Variants in ABCF2 observed in about 807,000 individuals in gnomAD.
ABCF2 encodes ATP-binding cassette sub-family F member 2.
In ABCF2, 37 loss-of-function variants were observed where a neutral mutation model predicts 76.9. The ratio of observed to expected loss-of-function variants is 0.48; its 90% CI spans 0.37 to 0.63. The LOEUF (loss-of-function observed/expected upper bound fraction) is 0.63, where lower values mean the gene tolerates loss of function less well. ABCF2 is among the 30% of genes least tolerant of loss of function. The pLI, the probability that ABCF2 is intolerant of heterozygous loss-of-function variation, is 0.00. For synonymous variants in ABCF2, 299 were observed against 283.7 expected, an observed-to-expected ratio of 1.05 and a Z score of -0.54; for missense variants, 524 against 782.1, an observed-to-expected ratio of 0.67 and a Z score of 3.94.
rs1200553881 is a variant in ABCF2, at chr7:151,212,947, T to TA, written c.*1106dup. 2.4e-5 allele frequency: 11 copies of TA among 449,290 alleles called. No homozygotes were observed. Among genetic ancestry groups the TA allele is most frequent in the Non-Finnish European group, 3.2e-5 (11 of 340,296 alleles). 27.8% of individuals were successfully genotyped at this position (449,290 alleles called of 1,614,324 possible). A position where few individuals can be genotyped will look rare whatever the true frequency, so the allele number is the denominator to read the frequency against. The stretch of plus-strand genomic sequence containing the variant: ...CTGAGCAGGTGGGATTCCAGGCACA[T>TA]AAAGACGGGTTTTGCCATGTTTCCC... On this transcript the variant is annotated 3_prime_UTR_variant, in exon 15 of 15. Coordinates refer to ENST00000287844, the MANE Select transcript of ABCF2 (RefSeq NM_007189.3).
Position 151,215,532 on chromosome 7 carries a change from C to T in ABCF2, c.1530+72G>A. ...AGCTTCCAAACCCAGGCTGCCAGGA[C>T]AGTATCCCCTGACCCACCCAGCCAC... On this transcript the variant is annotated intron_variant, in intron 13 of 14. Transcript: ENST00000287844. The surrounding 1 kb of genome is among the most constrained non-coding windows in gnomAD (Gnocchi z 4.6). The T allele has an allele frequency of 6.3e-7, 1 of 1,586,054 alleles. No individual in the cohort carries two copies. The highest frequency in any genetic ancestry group is 1.7e-5 in the Admixed American group (1 of 59,106).
chr7:151,226,260 T>C (rs376684892), intron 2 of ABCF2, 45 bp downstream of exon 2: 8 of 1,594,288 alleles, frequency 5.0e-6, no homozygotes, highest in Non-Finnish European at 6.8e-6. Context: ...GGGGCATGCA[T>C]TAAGTCTTAG....
chr7:151,218,095 G>A lies in ABCF2; in HGVS notation c.1324C>T (p.Leu442=), dbSNP rs1263028655. 6.2e-7 allele frequency: 1 copy of A among 1,613,458 alleles called. No individual in the cohort carries two copies. Among genetic ancestry groups the A allele is most frequent in the East Asian group, 2.2e-5 (1 of 44,886 alleles). ...NGAGKSTLLK[L]LTGELLPTDG... is the part of the protein sequence containing the mutation. ...TGGCACCATACCTCTCCAGTTAGCA[G>A]CTTCAGAAGAGTTGACTTCCCTGCT... The change falls in exon 11 of 15, where the codon CTG becomes TTG. Residue 442 remains leucine (L), a synonymous_variant. Transcript: ENST00000287844.
chr7:151,212,686 T>C lies in ABCF2; in HGVS notation c.*1368A>G. The C allele has an allele frequency of 5.5e-6, 1 of 182,628 alleles. No homozygotes were observed. The highest frequency in any genetic ancestry group is 1.0e-5 in the Non-Finnish European group (1 of 95,902). The allele number at this position is 182,628 out of a possible 1,614,324, so 11.3% of individuals were successfully genotyped here. Reference sequence around the variant, plus strand: ...TATTACTATTTGTAGAGAAGGGGTCTCCCTACTTTGCCCAGGCTGGTCTTG... The same window carrying C: ...TATTACTATTTGTAGAGAAGGGGTCCCCCTACTTTGCCCAGGCTGGTCTTG... On this transcript the variant is annotated 3_prime_UTR_variant, in exon 15 of 15. Coordinates refer to ENST00000287844, the MANE Select transcript of ABCF2 (RefSeq NM_007189.3).
In ABCF2 at chr7:151,218,859, C is replaced by T; in HGVS notation, c.1032G>A (p.Arg344=). ...CCAGCTTGGCACTGCCATGACCAAA[C>T]CTCGCAATGTAGTTCTAAAAAAGAC... is the stretch of plus-strand genomic sequence containing the variant. ...QIAHMKNYIA[R]FGHGSAKLAR... The change falls in exon 9 of 15, where the codon AGG becomes AGA. Residue 344 remains arginine (R), a synonymous_variant. Transcript: ENST00000287844. The T allele has an allele frequency of 6.2e-7, 1 of 1,613,656 alleles. No individual in the cohort carries two copies. Among genetic ancestry groups the T allele is most frequent in the Non-Finnish European group, 8.5e-7 (1 of 1,179,994 alleles).
At chr7:151,220,715 T>C (rs1802249806) in intron 7 of ABCF2, among the ~76,000 whole-genome samples, 1 of 152,126 alleles carries the variant, frequency 6.6e-6, no homozygotes, top group African/African-American at 2.4e-5. Flanking sequence ...AGGCCTCGTG[T>C]GGTGGCTCAT....
intron 3 of ABCF2, among the ~76,000 whole-genome samples, chr7:151,224,410 C>G (rs1802333255): frequency 6.6e-6 from 1 of 152,194 alleles, no homozygotes; most frequent in African/African-American, 2.4e-5. Flanking sequence ...AGGGTGGACG[C>G]ACCCTAATCT....
chr7:151,215,454 G>C lies in ABCF2; in HGVS notation c.1530+150C>G. On this transcript the variant is annotated intron_variant, in intron 13 of 14. Coordinates refer to ENST00000287844, the MANE Select transcript of ABCF2 (RefSeq NM_007189.3). This position sits in a 1 kb window ranked among gnomAD's most constrained non-coding sequence, Gnocchi z 4.6. ...CCATTACATAACAACCTAGAGTAAA[G>C]AAAAGGTAGTAGGTTCTTAGGGGAG... is the stretch of plus-strand genomic sequence containing the variant. 1 of 982,164 alleles carries C rather than the reference G, an allele frequency of 1.0e-6. No individual in the cohort carries two copies. The highest frequency in any genetic ancestry group is 1.5e-6 in the Non-Finnish European group (1 of 658,940). 60.8% of individuals were successfully genotyped at this position (982,164 alleles called of 1,614,324 possible).
At position 151,213,444 on chromosome 7, in the gene ABCF2, G is replaced by A. The variant is rs1802087785; in HGVS notation, c.*610C>T. On this transcript the variant is annotated 3_prime_UTR_variant, in exon 15 of 15. Transcript: ENST00000287844. ...GACGCTGGATCCAGCTCCTGCTGTG[G>A]GCAGTGCATGTTGGCACTGCAGGGA... The A allele has an allele frequency of 3.0e-6, 3 of 985,374 alleles. No homozygotes were observed. Among genetic ancestry groups the A allele is most frequent in the Non-Finnish European group, 3.6e-6 (3 of 829,998 alleles). The allele number at this position is 985,374 out of a possible 1,614,324, so 61.0% of individuals were successfully genotyped here. A position where few individuals can be genotyped will look rare whatever the true frequency, so the allele number is the denominator to read the frequency against.
In ABCF2 at chr7:151,224,799, C is replaced by T. The variant is rs1421928370; in HGVS notation, c.344G>A (p.Gly115Asp). Residue 115 changes from glycine to aspartate, a missense_variant, in exon 3 of 15, where the codon GGC becomes GAC. Gly to Asp is a moderately conservative substitution (Grantham distance 94). Around this residue, in one of 2 missense-constraint regions of ABCF2, gnomAD observed 330 missense variants for 433.6 expected, o/e 0.76. Coordinates refer to ENST00000287844, the MANE Select transcript of ABCF2 (RefSeq NM_007189.3). ...KLELNSGRRY[G>D]LIGLNGIGKS... ...ACCAATTCCATTTAAACCAATGAGG[C>T]CATAACGACGGCCTGAGTTTAATTC... 6.2e-7 allele frequency: 1 copy of T among 1,614,202 alleles called. No homozygotes were observed. The highest frequency in any genetic ancestry group is 1.7e-5 in the Admixed American group (1 of 60,030).
At position 151,214,433 on chromosome 7, in the gene ABCF2, G is replaced by C. The variant is rs1005679439; in HGVS notation, c.1735-242C>G. Among the ~76,000 whole-genome samples, 2 of 152,142 alleles carry C rather than the reference G, an allele frequency of 1.3e-5. No individual in the cohort carries two copies. The highest frequency in any genetic ancestry group is 2.9e-5 in the Non-Finnish European group (2 of 68,026). On this transcript the variant is annotated intron_variant, in intron 14 of 14. Transcript: ENST00000287844. The surrounding 1 kb of genome is among the most constrained non-coding windows in gnomAD (Gnocchi z 4.9). ...ATTGTCAGCTCCCTGGCAGGGCCTA[G>C]ATCTATTCAGAGGCTTCACTCTCAG...
intron 2 of ABCF2, among the ~76,000 whole-genome samples, chr7:151,225,792 C>T (rs1372673072): frequency 1.3e-5 from 2 of 152,128 alleles, no homozygotes; most frequent in Admixed American, 6.5e-5. Context: ...GGAGGGAAGA[C>T]GGTAGTGCCT....
intron 7 of ABCF2, among the ~76,000 whole-genome samples, chr7:151,221,162 T>C (rs1802258094): frequency 6.6e-6 from 1 of 152,178 alleles, no homozygotes; most frequent in African/African-American, 2.4e-5. Context: ...TCCATATCTT[T>C]TTATAGCAAT....
At chr7:151,218,989 C>T (rs1202284995) in intron 8 of ABCF2, 75 bp downstream of exon 8, 10 of 1,610,276 alleles carry the variant, frequency 6.2e-6, no homozygotes, top group Non-Finnish European at 8.5e-6. Flanking sequence ...ACTACCGCTT[C>T]TCGAAATGCC....
Position 151,217,994 on chromosome 7 carries a change from A to G in ABCF2, c.1338+87T>C, listed in dbSNP as rs7777662. The stretch of plus-strand genomic sequence containing the variant: ...CCACCAGGGTACTCAGGCCCTCCCA[A>G]AGTAGTAGCCCCTGCATCACTCCCC... On this transcript the variant is annotated intron_variant, in intron 11 of 14. Coordinates refer to ENST00000287844, the MANE Select transcript of ABCF2 (RefSeq NM_007189.3). 0.011 allele frequency: 10,602 copies of G among 997,834 alleles called. 476 individuals are homozygous for G. In the African/African-American group the frequency reaches 0.12, roughly 11 times the overall value. The allele number at this position is 997,834 out of a possible 1,614,324, so 61.8% of individuals were successfully genotyped here.
In ABCF2 at chr7:151,218,772, C is replaced by T. The variant is rs761396504; in HGVS notation, c.1119G>A (p.Glu373=). The part of the protein sequence containing the change: ...LQKMMASGLT[E]RVVSDKTLSF... ...ACCCCACCTTATCGCTCACGACCCT[C>T]TCTGTCAGTCCTGATGCCATCATTT... is the stretch of plus-strand genomic sequence containing the variant. The change falls in exon 9 of 15, where the codon GAG becomes GAA. Residue 373 remains glutamate, a synonymous_variant. Transcript: ENST00000287844. The T allele has an allele frequency of 8.7e-6, 14 of 1,613,866 alleles. No homozygotes were observed. In the South Asian group the frequency reaches 1.4e-4, roughly 16 times the overall value.
rs1187417612 is a variant in ABCF2, at chr7:151,213,044, G to A, written c.*1010C>T. The A allele has an allele frequency of 8.1e-6, 8 of 984,912 alleles. No individual in the cohort carries two copies. The highest frequency in any genetic ancestry group is 1.7e-5 in the African/African-American group (1 of 57,224). The allele number at this position is 984,912 out of a possible 1,614,324, so 61.0% of individuals were successfully genotyped here. A position where few individuals can be genotyped will look rare whatever the true frequency, so the allele number is the denominator to read the frequency against. ...CTCCCAAAGCGCTGGGATTACAGGT[G>A]TGAGCCACCGCACCTGGCCTGCATT... On this transcript the variant is annotated 3_prime_UTR_variant, in exon 15 of 15. Transcript: ENST00000287844.
intron 5 of ABCF2, 48 bp downstream of exon 5, chr7:151,223,630 T>G: frequency 1.9e-6 from 3 of 1,540,806 alleles, no homozygotes; most frequent in Non-Finnish European, 2.6e-6. Flanking sequence ...CACTAAACAC[T>G]GGAGAGATGG....
Position 151,214,059 on chromosome 7 carries a change from C to T in ABCF2, c.1867G>A (p.Val623Met), listed in dbSNP as rs144988836. Reference protein sequence around the residue: ...EPQLTKRTHNV With the variant: ...EPQLTKRTHNM ...CCCGAACCCAGGTAGAGGGCTCACACGTTGTGGGTCCTCTTGGTGAGCTGG... is the reference window on the plus strand; with the variant it reads ...CCCGAACCCAGGTAGAGGGCTCACATGTTGTGGGTCCTCTTGGTGAGCTGG... The change falls in exon 15 of 15, where the codon GTG becomes ATG. Residue 623 changes from valine to methionine, a missense_variant. This residue lies in a region of ABCF2 where 194 missense variants were observed against 348.6 expected (regional missense o/e 0.56). Transcript: ENST00000287844. This position sits in a 1 kb window ranked among gnomAD's most constrained non-coding sequence, Gnocchi z 4.9. 73 of 1,613,676 alleles carry T rather than the reference C, an allele frequency of 4.5e-5. No individual in the cohort carries two copies. The highest frequency in any genetic ancestry group is 3.3e-5 in the South Asian group (3 of 91,074).
Sources: allele counts gnomAD v4.1 joint callset (sites outside exome capture counted in the v4.1 genomes callset), GRCh38; gene constraint gnomAD v4.1.1; regional missense constraint gnomAD v4.1.1; non-coding constraint Gnocchi (gnomAD v3.1); transcripts MANE v1.5; gene names NCBI Gene and HGNC (gene_info 2026-07-23, HGNC 2026-07-21).